Variants in UBE2D2 observed in about 807,000 individuals in gnomAD.
UBE2D2 encodes the protein ubiquitin-conjugating enzyme E2 D2.
Under a neutral mutation model 24.2 loss-of-function variants are expected in UBE2D2, and 2 were observed. The ratio of observed to expected loss-of-function variants is 0.08; its 90% CI spans 0.03 to 0.26. The LOEUF (loss-of-function observed/expected upper bound fraction) is 0.26, where lower values mean the gene tolerates loss of function less well. UBE2D2 is among the 10% of genes least tolerant of loss of function. The pLI, the probability that UBE2D2 is intolerant of heterozygous loss-of-function variation, is 1.00. For synonymous variants in UBE2D2, 58 were observed against 56.5 expected (o/e 1.03, Z -0.12); for missense variants, 44 against 177.6 (o/e 0.25, Z 4.28).
intron 1 of UBE2D2, among the ~76,000 whole-genome samples, chr5:139,550,317 C>G (rs1393025898): frequency 6.6e-6 from 1 of 152,152 alleles, no homozygotes; most frequent in Non-Finnish European, 1.5e-5. Context: ...TTACCTCAGG[C>G]TGGAGGATTG....
intron 1 of UBE2D2, among the ~76,000 whole-genome samples, chr5:139,564,489 T>A (rs1753176687): frequency 6.6e-6 from 1 of 151,928 alleles, no homozygotes; most frequent in African/African-American, 2.4e-5. Flanking sequence ...AGTCTCCCTC[T>A]GTCGCCCAGG....
rs114943993 is a variant in UBE2D2 at position 139,587,073 on chromosome 5, G to A, written c.25-13299G>A. 7.7e-3 allele frequency among the ~76,000 whole-genome samples: 1,178 copies of A among 152,194 alleles called. 8 individuals are homozygous for A. Among genetic ancestry groups the A allele is most frequent in the Middle Eastern group, 0.041 (12 of 294 alleles). ...TCGTGTTCTCTGACCTGGGGTTGTT[G>A]GCCTCATGGATTCCAAGGAATGGAA... On this transcript the variant is annotated intron_variant, in intron 1 of 6. Coordinates refer to ENST00000398733, the MANE Select transcript of UBE2D2 (RefSeq NM_003339.3).
At position 139,548,193 on chromosome 5, in the gene UBE2D2, A is replaced by AAAAAAAAAAAATAAATAAAT; in HGVS notation, c.-64+21584_-64+21585insAAAAAAAATAAATAAATAAA. ...AAAAAAAAAAAAAAAATAAAAAAAA[A>AAAAAAAAAAAATAAATAAAT]AAATAAATAAATAAATAAATAAACG... On this transcript the variant is annotated intron_variant, in intron 1 of 6. Transcript: ENST00000511725. Among the ~76,000 whole-genome samples, 32 of 47,074 alleles carry AAAAAAAAAAAATAAATAAAT rather than the reference A, an allele frequency of 6.8e-4. 1 individual carries two copies. Among genetic ancestry groups the AAAAAAAAAAAATAAATAAAT allele is most frequent in the East Asian group, 2.0e-3 (3 of 1,522 alleles). The allele number at this position is 47,074 out of a possible 152,430, so 30.9% of individuals were successfully genotyped here.
rs13187063 is a variant in UBE2D2, at chr5:139,592,035, C to G, written c.25-8337C>G. Among the ~76,000 whole-genome samples, 11 of 152,150 alleles carry G rather than the reference C, an allele frequency of 7.2e-5. No homozygotes were observed. In the South Asian group the frequency reaches 2.3e-3, roughly 32 times the overall value. On this transcript the variant is annotated intron_variant, in intron 1 of 6. Coordinates refer to ENST00000398733, the MANE Select transcript of UBE2D2 (RefSeq NM_003339.3). The stretch of plus-strand genomic sequence containing the variant: ...TGGACAACGTGGTGAAACGCCATCT[C>G]TACTAAAAGTACAAAAATTAGCCGG...
intron 2 of UBE2D2, among the ~76,000 whole-genome samples, 176 bp from the exon 3 acceptor site, chr5:139,614,410 A>G (rs1212591239): frequency 6.6e-6 from 1 of 152,050 alleles, no homozygotes; most frequent in African/African-American, 2.4e-5. Context: ...GTTCTAGGCC[A>G]TTCTAGTCAT....
At chr5:139,548,189 A>AAAAAAAAAAAAAAAAAAAAAAAAAAAT in intron 1 of UBE2D2, among the ~76,000 whole-genome samples, 1 of 18,670 alleles carries the variant, frequency 5.4e-5, no homozygotes, top group African/African-American at 4.6e-4. Context: ...AAAAATAAAA[A>AAAAAAAAAAAAAAAAAAAAAAAAAAAT]AAAAAAATAA....
intron 5 of UBE2D2, among the ~76,000 whole-genome samples, chr5:139,615,680 A>G (rs1452003813): frequency 6.6e-6 from 1 of 152,170 alleles, no homozygotes; most frequent in Non-Finnish European, 1.5e-5. Context: ...AGAACAAAAT[A>G]TAGGTAAATA....
intron 1 of UBE2D2, among the ~76,000 whole-genome samples, chr5:139,599,950 T>C (rs1414410079): frequency 6.6e-6 from 1 of 151,844 alleles, no homozygotes; most frequent in Admixed American, 6.6e-5. Context: ...ATGACAGGCA[T>C]GTATCACCAT....
At chr5:139,596,699 G>A (rs776547146) in intron 1 of UBE2D2, among the ~76,000 whole-genome samples, 3 of 151,958 alleles carry the variant, frequency 2.0e-5, no homozygotes, top group Non-Finnish European at 4.4e-5. Context: ...CTAGGCATTA[G>A]ACACCAGCCT....
At chr5:139,586,752 G>T (rs865865180) in intron 1 of UBE2D2, among the ~76,000 whole-genome samples, 1 of 151,770 alleles carries the variant, frequency 6.6e-6, no homozygotes, top group Non-Finnish European at 1.5e-5. Context: ...GCGACAGAGC[G>T]AGACTCCGTC....
intron 1 of UBE2D2, among the ~76,000 whole-genome samples, chr5:139,579,606 T>C (rs772762212): frequency 1.3e-5 from 2 of 152,116 alleles, no homozygotes; most frequent in Non-Finnish European, 2.9e-5. Context: ...ATGTTTTTTT[T>C]AAAAAGTCTT....
intron 2 of UBE2D2, among the ~76,000 whole-genome samples, chr5:139,603,119 T>C (rs1754117988): frequency 6.6e-6 from 1 of 152,330 alleles, no homozygotes; most frequent in East Asian, 1.9e-4. Flanking sequence ...ATGGGCCACA[T>C]ACATCAGTGT....
At chr5:139,608,082 A>G (rs1339498112) in intron 2 of UBE2D2, among the ~76,000 whole-genome samples, 1 of 151,940 alleles carries the variant, frequency 6.6e-6, no homozygotes, top group Non-Finnish European at 1.5e-5. Context: ...TAGCGTGGGT[A>G]TGAAAGATTG....
intron 2 of UBE2D2, among the ~76,000 whole-genome samples, chr5:139,610,808 C>T (rs979258699): frequency 2.0e-5 from 3 of 151,916 alleles, no homozygotes; most frequent in African/African-American, 7.3e-5. Context: ...GCTGAGGTTG[C>T]GCCCTTTACT....
chr5:139,568,131 G>A (rs1288376310), intron 1 of UBE2D2, among the ~76,000 whole-genome samples: 1 of 151,742 alleles, frequency 6.6e-6, no homozygotes. Flanking sequence ...ACCACCTGAG[G>A]TCAGGAGTTC....
At chr5:139,611,160 T>C (rs1269330480) in intron 2 of UBE2D2, among the ~76,000 whole-genome samples, 2 of 148,148 alleles carry the variant, frequency 1.3e-5, no homozygotes, top group African/African-American at 5.0e-5. Flanking sequence ...TAGTTCTAGA[T>C]GACAAGTTTT....
At chr5:139,607,250 T>A (rs1046660019) in intron 2 of UBE2D2, among the ~76,000 whole-genome samples, 1 of 152,214 alleles carries the variant, frequency 6.6e-6, no homozygotes, top group African/African-American at 2.4e-5. Context: ...TTAGTAGGTA[T>A]CTTTATATTC....
At chr5:139,564,145 T>A (rs898839109) in intron 1 of UBE2D2, among the ~76,000 whole-genome samples, 12 of 152,118 alleles carry the variant, frequency 7.9e-5, no homozygotes, top group Non-Finnish European at 1.5e-4. Flanking sequence ...TAAAATCAAG[T>A]TTAGAAATAA....
chr5:139,550,429 A>G (rs901142777), intron 1 of UBE2D2, among the ~76,000 whole-genome samples: 1 of 152,100 alleles, frequency 6.6e-6, no homozygotes, highest in Non-Finnish European at 1.5e-5. Flanking sequence ...AAATGGACCA[A>G]TCAGCGCTCT....
Sources: gnomAD v4.1 joint callset for allele counts (sites outside exome capture counted in the v4.1 genomes callset) on GRCh38, gnomAD v4.1.1 for gene constraint, MANE v1.5 for transcripts, NCBI Gene and HGNC (gene_info 2026-07-23, HGNC 2026-07-21) for gene names.